GALNT13: variants seen among roughly 807,000 people sequenced by gnomAD.
GALNT13 encodes polypeptide N-acetylgalactosaminyltransferase 13, also known as UDP-GalNAc:polypeptide N-acetylgalactosaminyltransferase 13.
GALNT13 carries 28 observed loss-of-function variants against 64.2 expected under a neutral mutation model. The ratio of observed to expected loss-of-function variants is 0.44; its 90% CI spans 0.32 to 0.60. The LOEUF (loss-of-function observed/expected upper bound fraction) is 0.60, where lower values mean the gene tolerates loss of function less well. Among genes scored for constraint, GALNT13 ranks in the 20% least tolerant of loss-of-function variants. The probability of loss-of-function intolerance (pLI) is 0.05; values close to 1 mark genes in which losing one functional copy is unlikely to be tolerated. For synonymous variants in GALNT13, 214 were observed against 224.6 expected (o/e 0.95, Z 0.42); for missense variants, 577 against 669.8 (o/e 0.86, Z 1.53).
the GALNT13 span, among the ~76,000 whole-genome samples, chr2:153,299,745 T>C: frequency 0.13 from 19,314 of 152,220 alleles, 1,577 homozygotes; most frequent in Non-Finnish European, 0.17. Context: ...CCTTGAGGGC[T>C]GAATGGAGGA....
chr2:154,370,736 C>T (rs550412603), intron 9 of GALNT13, among the ~76,000 whole-genome samples: 28 of 152,190 alleles, frequency 1.8e-4, no homozygotes, highest in African/African-American at 6.3e-4. Context: ...ACTTATAAAT[C>T]TTGAGTTAAA....
chr2:153,380,812 T>A, the GALNT13 span, among the ~76,000 whole-genome samples: 2 of 152,200 alleles, frequency 1.3e-5, no homozygotes, highest in South Asian at 4.1e-4. Context: ...TTATTTTATA[T>A]ATTGTATTTT....
the GALNT13 span, among the ~76,000 whole-genome samples, chr2:153,267,224 C>T: frequency 1.3e-5 from 2 of 152,202 alleles, no homozygotes; most frequent in Non-Finnish European, 2.9e-5. Flanking sequence ...CCTGAAGCTG[C>T]TTTCACAGGC....
At chr2:153,266,106 G>T in the GALNT13 span, among the ~76,000 whole-genome samples, 2 of 152,202 alleles carry the variant, frequency 1.3e-5, no homozygotes, top group East Asian at 1.9e-4. Flanking sequence ...TGTGTGACTT[G>T]TTCCATTGTA....
chr2:154,165,859 G>T (rs1266971829), intron 4 of GALNT13, among the ~76,000 whole-genome samples: 1 of 152,138 alleles, frequency 6.6e-6, no homozygotes, highest in African/African-American at 2.4e-5. Context: ...GGATATCACT[G>T]GGTCAAACTC....
the GALNT13 span, among the ~76,000 whole-genome samples, chr2:153,750,683 T>G: frequency 2.6e-5 from 4 of 151,912 alleles, no homozygotes; most frequent in Non-Finnish European, 4.4e-5. Flanking sequence ...CATTTTCATT[T>G]CTGATTTTAT....
At chr2:153,750,061 T>A in the GALNT13 span, among the ~76,000 whole-genome samples, 1 of 151,838 alleles carries the variant, frequency 6.6e-6, no homozygotes, top group South Asian at 2.1e-4. Flanking sequence ...TTTATCAAAT[T>A]CCTTTAATCA....
At chr2:154,359,933 G>T (rs1277477939) in intron 9 of GALNT13, among the ~76,000 whole-genome samples, 1 of 152,074 alleles carries the variant, frequency 6.6e-6, no homozygotes, top group African/African-American at 2.4e-5. Context: ...TGTTAAGGTA[G>T]ACTTACTGAA....
At chr2:153,529,201 CAAATA>C in the GALNT13 span, among the ~76,000 whole-genome samples, 2 of 151,424 alleles carry the variant, frequency 1.3e-5, no homozygotes. Flanking sequence ...GAAAAAAATC[CAAATA>C]AAATCAGAGA....
At chr2:153,627,615 A>G in the GALNT13 span, among the ~76,000 whole-genome samples, 1 of 152,094 alleles carries the variant, frequency 6.6e-6, no homozygotes, top group Non-Finnish European at 1.5e-5. Context: ...TGCAGTTTTT[A>G]CCATTGAAAG....
At chr2:153,841,337 C>A in the GALNT13 span, among the ~76,000 whole-genome samples, 1 of 152,060 alleles carries the variant, frequency 6.6e-6, no homozygotes, top group African/African-American at 2.4e-5. Context: ...GCCAAACATT[C>A]CAGCATAATT....
At chr2:154,209,016 T>A (rs574387059) in intron 4 of GALNT13, among the ~76,000 whole-genome samples, 1 of 152,186 alleles carries the variant, frequency 6.6e-6, no homozygotes, top group East Asian at 1.9e-4. Flanking sequence ...TTTATAAACA[T>A]TGAAGACATC....
At chr2:153,430,349 C>G in the GALNT13 span, among the ~76,000 whole-genome samples, 3 of 151,948 alleles carry the variant, frequency 2.0e-5, no homozygotes, top group Non-Finnish European at 2.9e-5. Flanking sequence ...ATGATACCAT[C>G]TGCTGTTGTA....
intron 3 of GALNT13, among the ~76,000 whole-genome samples, chr2:154,013,588 G>A (rs1318817135): frequency 6.6e-6 from 1 of 152,114 alleles, no homozygotes; most frequent in African/African-American, 2.4e-5. Flanking sequence ...GCTCACTTGC[G>A]CCAGAGAAGA....
the GALNT13 span, among the ~76,000 whole-genome samples, chr2:153,603,195 G>A: frequency 6.6e-6 from 1 of 151,732 alleles, no homozygotes; most frequent in African/African-American, 2.4e-5. Context: ...GCATCTTCTG[G>A]GAAGTATGTT....
chr2:153,452,016 G>A, the GALNT13 span, among the ~76,000 whole-genome samples: 1 of 152,166 alleles, frequency 6.6e-6, no homozygotes, highest in African/African-American at 2.4e-5. Context: ...GCATCTGAAG[G>A]ACAACCTCCT....
the GALNT13 span, among the ~76,000 whole-genome samples, chr2:153,415,357 C>T: frequency 1.5e-4 from 23 of 152,224 alleles, no homozygotes; most frequent in South Asian, 4.6e-3. Flanking sequence ...ACCACGGTCA[C>T]ATAGGAGAGC....
chr2:153,924,533 A>G (rs1166508937), intron 2 of GALNT13, among the ~76,000 whole-genome samples: 3 of 152,086 alleles, frequency 2.0e-5, no homozygotes, highest in African/African-American at 4.8e-5. Context: ...GCCTTTATGT[A>G]TCTTTATAAA....
chr2:153,112,759 A>G, the GALNT13 span, among the ~76,000 whole-genome samples: 938 of 152,142 alleles, frequency 6.2e-3, 14 homozygotes, highest in African/African-American at 0.021. Flanking sequence ...AAAGACACAC[A>G]ATTTATTAGT....
Sources: gnomAD v4.1 joint callset for allele counts (sites outside exome capture counted in the v4.1 genomes callset) on GRCh38, gnomAD v4.1.1 for gene constraint, MANE v1.5 for transcripts, NCBI Gene and HGNC (gene_info 2026-07-23, HGNC 2026-07-21) for gene names.